Variants in SCN8A observed in about 807,000 individuals in gnomAD.
SCN8A encodes the protein sodium voltage-gated channel alpha subunit 8, also known as sodium channel protein type 8 subunit alpha.
Under a neutral mutation model 184.1 loss-of-function variants are expected in SCN8A, and 30 were observed. The observed-to-expected ratio is 0.16, with a 90% CI of 0.12 to 0.22. SCN8A has a LOEUF of 0.22. SCN8A is among the 10% of genes least tolerant of loss of function. SCN8A has a pLI of 1.00. For synonymous variants in SCN8A, 852 were observed against 907.0 expected, an observed-to-expected ratio of 0.94 and a Z score of 1.09; for missense variants, 1,057 against 2,498.9, an observed-to-expected ratio of 0.42 and a Z score of 12.30.
At position 51,737,798 on chromosome 12, in the gene SCN8A, T is replaced by C. The variant is rs138846485; in HGVS notation, c.1999-8105T>C. Among the ~76,000 whole-genome samples the C allele has an allele frequency of 1.7e-4, 26 of 152,356 alleles. No homozygotes were observed. The East Asian group carries it at 4.6e-3, about 27-fold the overall frequency. ...TCACAGTGTTGCTCAGCTAAAGGGA[T>C]AGTAAAGAAACAGTCTTTTAAATCT... On this transcript the variant is annotated intron_variant, in intron 12 of 26. Transcript: ENST00000627620.
chr12:51,681,390 C>G (rs1317899375), intron 2 of SCN8A, among the ~76,000 whole-genome samples: 1 of 152,158 alleles, frequency 6.6e-6, no homozygotes, highest in Non-Finnish European at 1.5e-5. Flanking sequence ...CTCCTTCACC[C>G]ATACTTCATG....
At chr12:51,678,142 A>G (rs546497416) in intron 2 of SCN8A, among the ~76,000 whole-genome samples, 8 of 152,318 alleles carry the variant, frequency 5.3e-5, no homozygotes, top group African/African-American at 1.9e-4. Flanking sequence ...ATATATACAT[A>G]TATCTCTCTC....
In SCN8A at chr12:51,686,374, T is replaced by C. The variant is rs559668426; in HGVS notation, c.402T>C (p.Phe134=). ...CCCCTTGACTCTTCTCTACAGTATT[T>C]AGCATGATCATTATGTGCACTATTT... ...IAIKILIHSV[F]SMIIMCTILT... The change falls in exon 4 of 27, where the codon TTT becomes TTC. Residue 134 remains phenylalanine, a synonymous_variant. Coordinates refer to ENST00000627620, the MANE Select transcript of SCN8A (RefSeq NM_001330260.2). The C allele has an allele frequency of 5.0e-5, 80 of 1,607,112 alleles. No homozygotes were observed. Among genetic ancestry groups the C allele is most frequent in the Non-Finnish European group, 6.1e-5 (72 of 1,174,098 alleles).
At chr12:51,669,666 G>C (rs1941097163) in intron 2 of SCN8A, among the ~76,000 whole-genome samples, 1 of 152,196 alleles carries the variant, frequency 6.6e-6, no homozygotes, top group South Asian at 2.1e-4. Flanking sequence ...AGGATCTTCA[G>C]TCCTACATTG....
intron 12 of SCN8A, among the ~76,000 whole-genome samples, chr12:51,729,546 A>G (rs1014129633): frequency 7.2e-5 from 11 of 152,142 alleles, no homozygotes; most frequent in South Asian, 4.1e-4. Flanking sequence ...AACATATCCC[A>G]ATTTGTTTAT....
At chr12:51,706,764 A>G in intron 11 of SCN8A, 49 bp downstream of exon 11, 4 of 1,323,788 alleles carry the variant, frequency 3.0e-6, no homozygotes, top group Non-Finnish European at 4.1e-6. Context: ...ATTTTTTATT[A>G]AGGTAAAATG....
intron 6 of SCN8A, among the ~76,000 whole-genome samples, chr12:51,696,715 T>A (rs766132480): frequency 6.6e-6 from 1 of 152,112 alleles, no homozygotes; most frequent in African/African-American, 2.4e-5. Flanking sequence ...CTATGAGAAG[T>A]AACCTTAAAT....
chr12:51,707,920 C>T (rs536797300), intron 11 of SCN8A, among the ~76,000 whole-genome samples: 1 of 152,244 alleles, frequency 6.6e-6, no homozygotes, highest in East Asian at 1.9e-4. Context: ...TCATTTCTAC[C>T]TCACTATGCT....
intron 6 of SCN8A, among the ~76,000 whole-genome samples, chr12:51,698,611 C>T (rs1356438397): frequency 2.0e-5 from 3 of 152,174 alleles, no homozygotes; most frequent in Admixed American, 2.0e-4. Context: ...CTGATCTCTC[C>T]ATGTGCAATT....
intron 1 of SCN8A, among the ~76,000 whole-genome samples, chr12:51,592,059 C>T (rs12369302): frequency 0.15 from 17,649 of 115,262 alleles, 1,760 homozygotes; most frequent in Non-Finnish European, 0.2. Flanking sequence ...ACCCCCACCC[C>T]CACCCCCCAC....
chr12:51,710,213 CCCCAT>C (rs1417258394), intron 11 of SCN8A, among the ~76,000 whole-genome samples: 1 of 152,130 alleles, frequency 6.6e-6, no homozygotes, highest in Non-Finnish European at 1.5e-5. Context: ...TCATAGCATT[CCCCAT>C]CCCCTTAGTA....
chr12:51,737,893 T>C (rs1942353561), intron 12 of SCN8A, among the ~76,000 whole-genome samples: 1 of 152,228 alleles, frequency 6.6e-6, no homozygotes, highest in African/African-American at 2.4e-5. Flanking sequence ...TTTTCTTAAT[T>C]ACGAAAACTG....
intron 12 of SCN8A, among the ~76,000 whole-genome samples, chr12:51,737,982 A>G (rs548451059): frequency 1.3e-5 from 2 of 152,134 alleles, no homozygotes; most frequent in South Asian, 4.2e-4. Context: ...AAAGCCTCCA[A>G]TTTTTCTTTA....
Position 51,707,280 on chromosome 12 carries a change from C to T in SCN8A, c.1635+565C>T, listed in dbSNP as rs565711528. Among the ~76,000 whole-genome samples the T allele has an allele frequency of 2.2e-4, 34 of 151,734 alleles. 2 individuals carry two copies. The South Asian group carries it at 6.9e-3, about 31-fold the overall frequency. ...TTCAGGGTTCTCTAAAGGTATAGAA[C>T]TAATAGGATATATTTATATATCTAT... On this transcript the variant is annotated intron_variant, in intron 11 of 26. Coordinates refer to ENST00000627620, the MANE Select transcript of SCN8A (RefSeq NM_001330260.2).
At position 51,688,901 on chromosome 12, in the gene SCN8A, C is replaced by T. The variant is rs184871887; in HGVS notation, c.615-104C>T. Reference sequence around the variant, plus strand: ...GTGTTGGGATAGGGCCCTGACGTGACGTATTGTACTTTTTGTTTTGTTGTG... The same window carrying T: ...GTGTTGGGATAGGGCCCTGACGTGATGTATTGTACTTTTTGTTTTGTTGTG... On this transcript the variant is annotated intron_variant, in intron 5 of 26. Coordinates refer to ENST00000627620, the MANE Select transcript of SCN8A (RefSeq NM_001330260.2). 2.2e-4 allele frequency: 343 copies of T among 1,556,676 alleles called. 2 individuals carry two copies. The Admixed American group carries it at 4.1e-3, about 19-fold the overall frequency.
intron 1 of SCN8A, among the ~76,000 whole-genome samples, chr12:51,654,145 C>CTGAAAA (rs1273141357): frequency 1.3e-5 from 2 of 152,132 alleles, no homozygotes; most frequent in African/African-American, 4.8e-5. Flanking sequence ...CTGAGTTGCC[C>CTGAAAA]TTTCACTCTC....
intron 12 of SCN8A, among the ~76,000 whole-genome samples, chr12:51,723,318 A>G (rs754692829): frequency 2.0e-5 from 3 of 151,954 alleles, no homozygotes; most frequent in Non-Finnish European, 4.4e-5. Flanking sequence ...CCCTGTTTGT[A>G]CAAAAAATAA....
intron 13 of SCN8A, among the ~76,000 whole-genome samples, chr12:51,746,754 C>T (rs1280233314): frequency 6.6e-6 from 1 of 152,216 alleles, no homozygotes; most frequent in African/African-American, 2.4e-5. Flanking sequence ...CATTAGGCCA[C>T]AGTCCCCCTA....
intron 12 of SCN8A, among the ~76,000 whole-genome samples, chr12:51,730,078 T>C (rs1019631324): frequency 6.6e-6 from 1 of 152,136 alleles, no homozygotes; most frequent in Non-Finnish European, 1.5e-5. Context: ...AGTATATCAA[T>C]TTTTTTCTTT....
Sources: allele counts gnomAD v4.1 joint callset (sites outside exome capture counted in the v4.1 genomes callset), GRCh38; gene constraint gnomAD v4.1.1; transcripts MANE v1.5; gene names NCBI Gene and HGNC (gene_info 2026-07-23, HGNC 2026-07-21).